LIFR: variants seen among roughly 807,000 people sequenced by gnomAD.
LIFR encodes LIF receptor subunit alpha.
LIFR carries 84 observed loss-of-function variants against 122.2 expected under a neutral mutation model. That is an observed-to-expected ratio of 0.69 (90% CI 0.58 to 0.82). LIFR has a LOEUF of 0.82. Ranked by LOEUF, LIFR falls within the 40% of genes least tolerant of loss-of-function variation. The pLI is 0.00. For missense variants in LIFR, 1,294 were observed against 1,311.6 expected, an observed-to-expected ratio of 0.99 and a Z score of 0.21; for synonymous variants, 422 against 434.7, an observed-to-expected ratio of 0.97 and a Z score of 0.36.
chr5:38,530,726 T>A (rs1307171990), intron 1 of LIFR, 60 bp from the exon 2 acceptor site: 5 of 1,356,116 alleles, frequency 3.7e-6, no homozygotes, highest in Non-Finnish European at 5.3e-6. Flanking sequence ...CACCTTATAC[T>A]GTGCACACAA....
At chr5:38,482,338 T>TTTCGGATATTTCCGAAAATATCC (rs2112357615) in intron 19 of LIFR, 120 bp from the exon 20 acceptor site, 5 of 906,040 alleles carry the variant, frequency 5.5e-6, no homozygotes, top group African/African-American at 4.3e-5. Context: ...TCTACTACTC[T>TTTCGGATATTTCCGAAAATATCC]GTATTTCACA....
At chr5:38,534,958 T>C (rs1389507238) in intron 1 of LIFR, among the ~76,000 whole-genome samples, 1 of 152,232 alleles carries the variant, frequency 6.6e-6, no homozygotes, top group Non-Finnish European at 1.5e-5. Context: ...TTGAATTCTA[T>C]ACTCAAACTG....
At chr5:38,515,732 A>G (rs1746042025) in intron 5 of LIFR, among the ~76,000 whole-genome samples, 1 of 152,080 alleles carries the variant, frequency 6.6e-6, no homozygotes, top group South Asian at 2.1e-4. Flanking sequence ...GAGATCAGTT[A>G]AAAGAGTTGA....
chr5:38,502,248 C>CT (rs1223565516), intron 11 of LIFR, among the ~76,000 whole-genome samples: 1 of 151,840 alleles, frequency 6.6e-6, no homozygotes, highest in East Asian at 1.9e-4. Flanking sequence ...TTTAAGGACT[C>CT]TAATAGCATT....
chr5:38,566,537 A>G (rs971474764), intron 1 of LIFR, among the ~76,000 whole-genome samples: 26 of 152,238 alleles, frequency 1.7e-4, no homozygotes, highest in Admixed American at 6.5e-5. Flanking sequence ...TGAGAAGTTA[A>G]TCAGAAGTTT....
chr5:38,598,442 C>T (rs1391033457), upstream of LIFR, among the ~76,000 whole-genome samples: 1 of 151,514 alleles, frequency 6.6e-6, no homozygotes. Flanking sequence ...GATGACGTTT[C>T]ACCATGTTGG....
At chr5:38,508,276 T>A (rs553132785) in intron 7 of LIFR, among the ~76,000 whole-genome samples, 4 of 152,116 alleles carry the variant, frequency 2.6e-5, no homozygotes, top group Non-Finnish European at 5.9e-5. Context: ...CAATAGAAAA[T>A]GCAATTTAAA....
rs1745452132 is a variant in LIFR, at chr5:38,505,947, C to T, written c.1249G>A (p.Gly417Ser). The part of the protein sequence containing the change: ...NFTLNAHNPL[G>S]RSQSTILVNI... ...ACTAAAATTGTTGATTGTGATCGAC[C>T]CAGCGGATTGTGAGCATTCAAAGTA... Residue 417 changes from glycine to serine, a missense_variant, in exon 9 of 20, where the codon GGT becomes AGT. Physicochemically the swap from Gly to Ser is moderately conservative, Grantham distance 56 (BLOSUM62 0). Transcript: ENST00000453190. 6.2e-7 allele frequency: 1 copy of T among 1,610,284 alleles called. No homozygotes were observed. The highest frequency in any genetic ancestry group is 8.5e-7 in the Non-Finnish European group (1 of 1,178,032).
At chr5:38,502,511 G>A (rs908813824) in intron 11 of LIFR, 126 bp downstream of exon 11, 7 of 751,770 alleles carry the variant, frequency 9.3e-6, no homozygotes, top group South Asian at 3.0e-5. Flanking sequence ...TGCCCACCTC[G>A]GCCTCCCAAA....
At chr5:38,593,379 A>G (rs552491002) in intron 1 of LIFR, among the ~76,000 whole-genome samples, 1 of 152,338 alleles carries the variant, frequency 6.6e-6, no homozygotes, top group Non-Finnish European at 1.5e-5. Flanking sequence ...TGCTTGCCAC[A>G]TGGAGTTAAG....
intron 9 of LIFR, among the ~76,000 whole-genome samples, chr5:38,505,290 A>G (rs1745406919): frequency 6.6e-6 from 1 of 152,128 alleles, no homozygotes; most frequent in African/African-American, 2.4e-5. Flanking sequence ...CTGTATGTAC[A>G]GGGGATGCTG....
At chr5:38,517,653 C>T (rs1489979993) in intron 5 of LIFR, among the ~76,000 whole-genome samples, 3 of 151,540 alleles carry the variant, frequency 2.0e-5, no homozygotes, top group South Asian at 2.1e-4. Flanking sequence ...GTCAAGAGAT[C>T]GAGACCATCC....
At chr5:38,494,418 G>A (rs1351547363) in intron 13 of LIFR, among the ~76,000 whole-genome samples, 2 of 151,842 alleles carry the variant, frequency 1.3e-5, no homozygotes, top group East Asian at 2.0e-4. Context: ...CTGAGAAGGA[G>A]AAGTCTGCAC....
rs567565130 is a variant in LIFR, at chr5:38,480,121, A to C, written c.*1474T>G. 1,174 of 228,572 alleles carry C rather than the reference A, an allele frequency of 5.1e-3. 5 individuals are homozygous for C. The highest frequency in any genetic ancestry group is 6.9e-3 in the South Asian group (38 of 5,492). 14.2% of individuals were successfully genotyped at this position (228,572 alleles called of 1,614,324 possible). A position where few individuals can be genotyped will look rare whatever the true frequency, so the allele number is the denominator to read the frequency against. Reference sequence around the variant, plus strand: ...CAGAATCTCAGATGATAAAAAACAAACAAACAACCAAAAAAAACAAACAAA... The same window carrying C: ...CAGAATCTCAGATGATAAAAAACAACCAAACAACCAAAAAAAACAAACAAA... On this transcript the variant is annotated 3_prime_UTR_variant, in exon 20 of 20. Transcript: ENST00000453190.
chr5:38,599,729 A>T (rs1157829214), upstream of LIFR, among the ~76,000 whole-genome samples: 8 of 152,172 alleles, frequency 5.3e-5, no homozygotes, highest in South Asian at 2.1e-4. Context: ...AATTTTAAAG[A>T]TGCTTAAGAA....
At chr5:38,586,342 A>G (rs1213627513) in intron 1 of LIFR, among the ~76,000 whole-genome samples, 3 of 152,186 alleles carry the variant, frequency 2.0e-5, no homozygotes, top group African/African-American at 4.8e-5. Context: ...AGACCTGGTC[A>G]GTTGGAAATA....
intron 7 of LIFR, among the ~76,000 whole-genome samples, chr5:38,507,944 T>C (rs1179271052): frequency 3.3e-5 from 5 of 152,098 alleles, no homozygotes; most frequent in African/African-American, 1.2e-4. Flanking sequence ...TAAACAAACA[T>C]TGACATATTT....
chr5:38,547,064 C>A (rs922185369), intron 1 of LIFR, among the ~76,000 whole-genome samples: 1 of 152,120 alleles, frequency 6.6e-6, no homozygotes. Flanking sequence ...TCCCCAACAC[C>A]CCCAAAAGAA....
intron 1 of LIFR, chr5:38,579,306 G>A (rs114463606): frequency 2.6e-5 from 4 of 152,132 alleles, no homozygotes; most frequent in Admixed American, 6.5e-5. Flanking sequence ...AACAGGTCAC[G>A]TGGCCACACT....
Sources: allele counts gnomAD v4.1 joint callset (sites outside exome capture counted in the v4.1 genomes callset), GRCh38; gene constraint gnomAD v4.1.1; transcripts MANE v1.5; gene names NCBI Gene and HGNC (gene_info 2026-07-23, HGNC 2026-07-21).